NUP107: variants seen among roughly 807,000 people sequenced by gnomAD.
NUP107 encodes nuclear pore complex protein Nup107.
A neutral mutation model predicts 141.0 loss-of-function variants in NUP107; 101 were observed. The ratio of observed to expected loss-of-function variants is 0.72; its 90% CI spans 0.61 to 0.84. The LOEUF (loss-of-function observed/expected upper bound fraction) is 0.84. NUP107 is among the 40% of genes least tolerant of loss of function. The probability of loss-of-function intolerance (pLI) is 0.00; values close to 1 mark genes in which losing one functional copy is unlikely to be tolerated. For synonymous variants in NUP107, 319 were observed against 363.9 expected (o/e 0.88, Z 1.41); for missense variants, 941 against 1,102.7 (o/e 0.85, Z 2.08).
chr12:68,688,606 A>G (rs1021103281), intron 1 of NUP107, among the ~76,000 whole-genome samples: 9 of 152,226 alleles, frequency 5.9e-5, no homozygotes. Context: ...GAATTCCTGC[A>G]GTTAGGTAAC....
chr12:68,730,716 G>A (rs1377697151), intron 20 of NUP107, among the ~76,000 whole-genome samples: 1 of 152,204 alleles, frequency 6.6e-6, no homozygotes, highest in African/African-American at 2.4e-5. Flanking sequence ...TGTAATCCCA[G>A]CACTTTAGGA....
intron 8 of NUP107, chr12:68,705,730 A>T (rs1304141966): frequency 5.0e-5 from 34 of 679,432 alleles, no homozygotes; most frequent in Non-Finnish European, 9.0e-5. Flanking sequence ...CAGTGCCTGC[A>T]TCAGCTCCTC....
chr12:68,731,094 T>G lies in NUP107; in HGVS notation c.1735-16T>G. ...ATTTTATTATTGACATACTTTGATCTTTTTCTATTTTTTAGCTTTTAATAA... is the reference window on the plus strand; with the variant it reads ...ATTTTATTATTGACATACTTTGATCGTTTTCTATTTTTTAGCTTTTAATAA... On this transcript the variant is annotated splice_polypyrimidine_tract_variant and intron_variant, in intron 20 of 27. Transcript: ENST00000229179. 1 of 1,522,520 alleles carries G rather than the reference T, an allele frequency of 6.6e-7. No homozygotes were observed. Among genetic ancestry groups the G allele is most frequent in the Non-Finnish European group, 8.9e-7 (1 of 1,121,382 alleles). 94.3% of individuals were successfully genotyped at this position (1,522,520 alleles called of 1,614,324 possible).
At chr12:68,734,585 A>G in intron 24 of NUP107, 123 bp from the exon 25 acceptor site, 1 of 709,502 alleles carries the variant, frequency 1.4e-6, no homozygotes, top group South Asian at 2.2e-5. Context: ...TATATATTGA[A>G]CAGTTTTATT....
In NUP107 at chr12:68,725,048, T is replaced by A. The variant is rs576671241; in HGVS notation, c.1507-679T>A. On this transcript the variant is annotated intron_variant, in intron 17 of 27. Coordinates refer to ENST00000229179, the MANE Select transcript of NUP107 (RefSeq NM_020401.4). ...TGGCGCTGGCATAATTGGCTTTCCA[T>A]CCAGAAGAAAACAAAGCTAGATCCT... Among the ~76,000 whole-genome samples, 3 of 152,226 alleles carry A rather than the reference T, an allele frequency of 2.0e-5. No homozygotes were observed. In the South Asian group the frequency reaches 6.2e-4, roughly 32 times the overall value.
chr12:68,723,103 G>T (rs542377005), intron 17 of NUP107, among the ~76,000 whole-genome samples: 7 of 152,268 alleles, frequency 4.6e-5, no homozygotes, highest in African/African-American at 1.7e-4. Flanking sequence ...GGCCAGGTAT[G>T]GTGGCTCACA....
intron 26 of NUP107, among the ~76,000 whole-genome samples, chr12:68,736,687 G>A (rs981160500): frequency 8.2e-5 from 12 of 146,440 alleles, no homozygotes; most frequent in Non-Finnish European, 1.5e-4. Context: ...GAAGTGCTGC[G>A]ATTACAGGCA....
chr12:68,693,319 C>T (rs1875906238), intron 5 of NUP107, among the ~76,000 whole-genome samples: 3 of 152,076 alleles, frequency 2.0e-5, no homozygotes, highest in South Asian at 2.1e-4. Flanking sequence ...TCAAGTGATC[C>T]GTCCTCCTCA....
chr12:68,708,198 A>G (rs971218344), intron 8 of NUP107, among the ~76,000 whole-genome samples: 1 of 152,118 alleles, frequency 6.6e-6, no homozygotes, highest in African/African-American at 2.4e-5. Flanking sequence ...CCAATCCCCC[A>G]TGGATACCAA....
Position 68,738,606 on chromosome 12 carries a change from C to G in NUP107, c.2503-3207C>G, listed in dbSNP as rs145654012. Among the ~76,000 whole-genome samples, 1,101 of 152,308 alleles carry G rather than the reference C, an allele frequency of 7.2e-3. 11 individuals are homozygous for G. Among genetic ancestry groups the G allele is most frequent in the African/African-American group, 0.025 (1,036 of 41,566 alleles). ...TACAAGGCACGGCTGTACACAATAG[C>G]CCTAGCATTATGTGCTGTTTTCGTA... is the stretch of plus-strand genomic sequence containing the variant. On this transcript the variant is annotated intron_variant, in intron 26 of 27. Transcript: ENST00000229179.
chr12:68,733,605 C>A lies in NUP107; in HGVS notation c.2255C>A (p.Ala752Asp). The A allele has an allele frequency of 6.2e-7, 1 of 1,609,520 alleles. No individual in the cohort carries two copies. The highest frequency in any genetic ancestry group is 8.5e-7 in the Non-Finnish European group (1 of 1,178,184). Residue 752 changes from alanine (A) to aspartate (D), a missense_variant, in exon 24 of 28, where the codon GCT (alanine) becomes GAT (aspartate). Ala to Asp is a moderately radical substitution (Grantham distance 126). Transcript: ENST00000229179. ...ATCCGAGAACATTTGTGCATCAGAG[C>A]TTATTTGGTGAGACTGTAAAGAAAG... ...NAIREHLCIRAYLEAHETFNE... is the reference protein window; with the variant it reads ...NAIREHLCIRDYLEAHETFNE...
chr12:68,725,344 C>T (rs1255178590), intron 17 of NUP107, among the ~76,000 whole-genome samples: 2 of 152,020 alleles, frequency 1.3e-5, no homozygotes, highest in Non-Finnish European at 2.9e-5. Context: ...TGTACTGCTG[C>T]TCATGTTGAA....
intron 1 of NUP107, chr12:68,687,623 T>C: frequency 1.0e-6 from 1 of 985,848 alleles, no homozygotes; most frequent in South Asian, 4.7e-5. Context: ...AGTCTCCTTG[T>C]CACTGTAACT....
At chr12:68,696,529 A>G (rs535474269) in intron 5 of NUP107, among the ~76,000 whole-genome samples, 3 of 152,042 alleles carry the variant, frequency 2.0e-5, no homozygotes, top group Admixed American at 2.0e-4. Flanking sequence ...CCTGGCCAAT[A>G]TGGTGAAACC....
intron 17 of NUP107, among the ~76,000 whole-genome samples, chr12:68,724,658 T>TA (rs1657612614): frequency 6.6e-6 from 1 of 152,040 alleles, no homozygotes; most frequent in African/African-American, 2.4e-5. Context: ...CATGCTCCTG[T>TA]AGTCCCAGCT....
At chr12:68,731,813 AT>A in intron 22 of NUP107, 94 bp downstream of exon 22, 1 of 703,644 alleles carries the variant, frequency 1.4e-6, no homozygotes, top group Admixed American at 3.2e-5. Flanking sequence ...AAGAAGTTCT[AT>A]TAGGTTTTCT....
At chr12:68,707,142 A>G in intron 8 of NUP107, 1 of 547,212 alleles carries the variant, frequency 1.8e-6, no homozygotes, top group South Asian at 2.3e-5. Flanking sequence ...CCAGAGGAGC[A>G]CAGGGAACAG....
intron 5 of NUP107, among the ~76,000 whole-genome samples, chr12:68,693,963 G>A (rs930262473): frequency 6.6e-6 from 1 of 152,108 alleles, no homozygotes; most frequent in African/African-American, 2.4e-5. Flanking sequence ...ATTAACTCAT[G>A]TAATCCTTAT....
At chr12:68,729,004 C>T (rs1451299664) in intron 20 of NUP107, among the ~76,000 whole-genome samples, 1 of 152,108 alleles carries the variant, frequency 6.6e-6, no homozygotes, top group African/African-American at 2.4e-5. Context: ...ACTACTGGCA[C>T]TTTGTATGGC....
Sources: allele counts gnomAD v4.1 joint callset (sites outside exome capture counted in the v4.1 genomes callset), GRCh38; gene constraint gnomAD v4.1.1; transcripts MANE v1.5; gene names NCBI Gene and HGNC (gene_info 2026-07-23, HGNC 2026-07-21).